Variants in FANCC observed in about 807,000 individuals in gnomAD.
FANCC encodes Fanconi anemia group C protein.
In FANCC, 55 loss-of-function variants were observed where a neutral mutation model predicts 71.3. The observed-to-expected ratio is 0.77, with a 90% CI of 0.62 to 0.97. The LOEUF is 0.97. Ranked by LOEUF, FANCC falls within the 50% of genes least tolerant of loss-of-function variation. FANCC has a pLI of 0.00. For synonymous variants in FANCC, 275 were observed against 244.9 expected, an observed-to-expected ratio of 1.12 and a Z score of -1.15; for missense variants, 678 against 670.9, an observed-to-expected ratio of 1.01 and a Z score of -0.12.
At chr9:95,262,053 T>C (rs1832083920) in intron 1 of FANCC, among the ~76,000 whole-genome samples, 1 of 152,126 alleles carries the variant, frequency 6.6e-6, no homozygotes, top group Admixed American at 6.5e-5. Flanking sequence ...TTTGGTTGCT[T>C]GTTAAGTACT....
intron 6 of FANCC, among the ~76,000 whole-genome samples, chr9:95,160,676 CGTTT>C (rs1265718350): frequency 2.0e-5 from 3 of 152,070 alleles, no homozygotes; most frequent in Non-Finnish European, 4.4e-5. Flanking sequence ...AATGTTCTTC[CGTTT>C]GTTTGTGTCT....
At chr9:95,182,451 C>T (rs564741932) in intron 4 of FANCC, among the ~76,000 whole-genome samples, 3 of 152,288 alleles carry the variant, frequency 2.0e-5, no homozygotes, top group East Asian at 1.9e-4. Context: ...ACCCAGGAGG[C>T]GGAGCTTGCA....
chr9:95,245,666 GC>G (rs1830920976), intron 3 of FANCC, among the ~76,000 whole-genome samples: 1 of 151,868 alleles, frequency 6.6e-6, no homozygotes, highest in African/African-American at 2.4e-5. Flanking sequence ...GGAGGTCGAG[GC>G]GGGTGAATCG....
chr9:95,184,374 CAA>C (rs1826578493), intron 4 of FANCC, among the ~76,000 whole-genome samples: 1 of 152,036 alleles, frequency 6.6e-6, no homozygotes, highest in South Asian at 2.1e-4. Context: ...CCCCTGCAAA[CAA>C]AGACAAACTA....
intron 7 of FANCC, among the ~76,000 whole-genome samples, chr9:95,137,535 T>A (rs2135210959): frequency 6.6e-6 from 1 of 152,208 alleles, no homozygotes; most frequent in South Asian, 2.1e-4. Flanking sequence ...ACCCCCTCAA[T>A]ACTGGACATG....
chr9:95,111,208 G>A lies in FANCC; in HGVS notation c.1329+255C>T, dbSNP rs775926465. 16 of 1,536,300 alleles carry A rather than the reference G, an allele frequency of 1.0e-5. No homozygotes were observed. The East Asian group carries it at 3.9e-4, about 38-fold the overall frequency. On this transcript the variant is annotated intron_variant, in intron 13 of 14. Coordinates refer to ENST00000289081, the MANE Select transcript of FANCC (RefSeq NM_000136.3). ...GAGCAATAACAGATCAAATGACCTTGGGGAAGAAGGGTCTTCGTTTTGCAG... is the reference window on the plus strand; with the variant it reads ...GAGCAATAACAGATCAAATGACCTTAGGGAAGAAGGGTCTTCGTTTTGCAG...
chr9:95,189,399 A>G (rs1309684724), intron 4 of FANCC, among the ~76,000 whole-genome samples: 1 of 152,186 alleles, frequency 6.6e-6, no homozygotes, highest in East Asian at 1.9e-4. Flanking sequence ...TTGTTTACAT[A>G]GCCTATTCCG....
At chr9:95,262,041 A>G (rs923328142) in intron 1 of FANCC, among the ~76,000 whole-genome samples, 13 of 152,108 alleles carry the variant, frequency 8.5e-5, no homozygotes, top group African/African-American at 3.1e-4. Flanking sequence ...ATTGCTCAAG[A>G]GTTTGGTTGC....
At chr9:95,152,824 G>A (rs1178530117) in intron 6 of FANCC, among the ~76,000 whole-genome samples, 2 of 149,416 alleles carry the variant, frequency 1.3e-5, no homozygotes, top group Non-Finnish European at 3.0e-5. Flanking sequence ...AGTCCATTAT[G>A]TCACTCTGTA....
intron 3 of FANCC, among the ~76,000 whole-genome samples, chr9:95,244,912 T>C (rs1432296350): frequency 6.6e-6 from 1 of 151,966 alleles, no homozygotes; most frequent in African/African-American, 2.4e-5. Flanking sequence ...AAGCGACTTA[T>C]TGACTCTAAT....
chr9:95,176,421 T>G (rs747687923), intron 4 of FANCC, among the ~76,000 whole-genome samples: 1 of 152,214 alleles, frequency 6.6e-6, no homozygotes. Context: ...TACAAGCCTG[T>G]TTGCGACCCT....
chr9:95,123,794 C>T, intron 10 of FANCC: 1 of 697,308 alleles, frequency 1.4e-6, no homozygotes, highest in Middle Eastern at 3.8e-4. Flanking sequence ...TTGTGAAGCC[C>T]ACAAGGACTG....
intron 4 of FANCC, among the ~76,000 whole-genome samples, chr9:95,221,625 C>A (rs954300402): frequency 6.6e-6 from 1 of 152,078 alleles, no homozygotes; most frequent in Non-Finnish European, 1.5e-5. Context: ...TCTCTGAATA[C>A]ATATCTTTGA....
At chr9:95,186,564 G>C (rs1826725056) in intron 4 of FANCC, 1 of 152,256 alleles carries the variant, frequency 6.6e-6, no homozygotes, top group Non-Finnish European at 1.5e-5. Context: ...AAGGAGACTT[G>C]TGTGGCTGCT....
At chr9:95,146,106 T>C (rs1046348422) in intron 7 of FANCC, among the ~76,000 whole-genome samples, 3 of 152,138 alleles carry the variant, frequency 2.0e-5, no homozygotes, top group Non-Finnish European at 2.9e-5. Flanking sequence ...ATAATGGTAT[T>C]GTAGTTTTGT....
At chr9:95,233,920 G>C (rs972532705) in intron 4 of FANCC, among the ~76,000 whole-genome samples, 7 of 152,194 alleles carry the variant, frequency 4.6e-5, no homozygotes, top group Admixed American at 3.3e-4. Context: ...CCTGAGGGAA[G>C]GGTGGGGATT....
In FANCC at chr9:95,249,387, A is replaced by C. The variant is rs560839822; in HGVS notation, c.-78-18T>G. 67 of 1,254,268 alleles carry C rather than the reference A, an allele frequency of 5.3e-5. No homozygotes were observed. In the African/African-American group the frequency reaches 8.9e-4, roughly 17 times the overall value. 77.7% of individuals were successfully genotyped at this position (1,254,268 alleles called of 1,614,324 possible). A position where few individuals can be genotyped will look rare whatever the true frequency, so the allele number is the denominator to read the frequency against. On this transcript the variant is annotated intron_variant, in intron 1 of 14. Transcript: ENST00000289081. The stretch of plus-strand genomic sequence containing the variant: ...CATTAAATCTGTAAGAAAGGGAACA[A>C]ATAGAAGCATTTCTAAAAGGCTCTT...
At chr9:95,196,521 T>C (rs1224079273) in intron 4 of FANCC, among the ~76,000 whole-genome samples, 1 of 152,090 alleles carries the variant, frequency 6.6e-6, no homozygotes, top group Non-Finnish European at 1.5e-5. Context: ...TTTGTATACC[T>C]AGTTATTTTT....
At chr9:95,161,912 G>A (rs1421352321) in intron 6 of FANCC, among the ~76,000 whole-genome samples, 2 of 149,058 alleles carry the variant, frequency 1.3e-5, no homozygotes, top group African/African-American at 5.0e-5. Context: ...CACGATCTCA[G>A]CTCACTGCAA....
Sources: allele counts gnomAD v4.1 joint callset (sites outside exome capture counted in the v4.1 genomes callset), GRCh38; gene constraint gnomAD v4.1.1; transcripts MANE v1.5; gene names NCBI Gene and HGNC (gene_info 2026-07-23, HGNC 2026-07-21).